The following SYT5 variants were observed in gnomAD, a reference collection of about 807,000 sequenced individuals.
The protein encoded by SYT5 is synaptotagmin-5.
In SYT5, 29 loss-of-function variants were observed where a neutral mutation model predicts 36.0. The observed-to-expected ratio is 0.81, with a 90% CI of 0.60 to 1.10. The LOEUF (loss-of-function observed/expected upper bound fraction) is 1.10. Ranked by LOEUF, SYT5 falls within the 50% of genes least tolerant of loss-of-function variation. The pLI, the probability that SYT5 is intolerant of heterozygous loss-of-function variation, is 0.00. For synonymous variants in SYT5, 231 were observed against 227.6 expected (o/e 1.02, Z -0.14); for missense variants, 512 against 516.0 (o/e 0.99, Z 0.08).
chr19:55,179,374 G>T lies in SYT5; in HGVS notation c.-45-288C>A. ...GAACCGGAAGCGGGCGAAGGCAGAC[G>T]TGGGAACCAGCAGACCGCGTTGCCC... On this transcript the variant is annotated intron_variant, in intron 1 of 8. Transcript: ENST00000354308. This position sits in a 1 kb window ranked among gnomAD's most constrained non-coding sequence, Gnocchi z 4.5. 1 of 717,994 alleles carries T rather than the reference G, an allele frequency of 1.4e-6. No individual in the cohort carries two copies. The highest frequency in any genetic ancestry group is 3.1e-5 in the South Asian group (1 of 31,950). 44.5% of individuals were successfully genotyped at this position (717,994 alleles called of 1,614,324 possible). A position where few individuals can be genotyped will look rare whatever the true frequency, so the allele number is the denominator to read the frequency against.
In SYT5 at chr19:55,173,847, A is replaced by T; in HGVS notation, c.961-163T>A. 3 of 636,064 alleles carry T rather than the reference A, an allele frequency of 4.7e-6. No individual in the cohort carries two copies. The highest frequency in any genetic ancestry group is 7.0e-6 in the Non-Finnish European group (3 of 427,716). The allele number at this position is 636,064 out of a possible 1,614,324, so 39.4% of individuals were successfully genotyped here. On this transcript the variant is annotated intron_variant, in intron 8 of 8. Coordinates refer to ENST00000354308, the MANE Select transcript of SYT5 (RefSeq NM_003180.3). This position sits in a 1 kb window ranked among gnomAD's most constrained non-coding sequence, Gnocchi z 5.4. The stretch of plus-strand genomic sequence containing the variant: ...AGGGGGTGGGAGACGAGAGGGACGG[A>T]GCCTGCGGCGAGGAGGAGGCTCTGG...
intron 7 of SYT5, 64 bp downstream of exon 7, chr19:55,174,818 C>T: frequency 6.9e-6 from 11 of 1,583,072 alleles, no homozygotes; most frequent in Non-Finnish European, 8.7e-6. Context: ...GGCTCAGAAA[C>T]TGTCAGAACG....
Position 55,179,363 on chromosome 19 carries a change from C to T in SYT5, c.-45-277G>A. Reference sequence around the variant, plus strand: ...CCGCAGGGTCTGAACCGGAAGCGGGCGAAGGCAGACGTGGGAACCAGCAGA... The same window carrying T: ...CCGCAGGGTCTGAACCGGAAGCGGGTGAAGGCAGACGTGGGAACCAGCAGA... On this transcript the variant is annotated intron_variant, in intron 1 of 8. Transcript: ENST00000354308. This position sits in a 1 kb window ranked among gnomAD's most constrained non-coding sequence, Gnocchi z 4.5. 2 of 809,792 alleles carry T rather than the reference C, an allele frequency of 2.5e-6. No individual in the cohort carries two copies. Among genetic ancestry groups the T allele is most frequent in the South Asian group, 6.0e-5 (2 of 33,312 alleles). 50.2% of individuals were successfully genotyped at this position (809,792 alleles called of 1,614,324 possible).
chr19:55,173,729 G>A lies in SYT5; in HGVS notation c.961-45C>T. Reference sequence around the variant, plus strand: ...AAGAGGAGAGAGGAGCGTGAGGGGAGGAGGCCCCGGAAGGGGCGGTGTCCG... The same window carrying A: ...AAGAGGAGAGAGGAGCGTGAGGGGAAGAGGCCCCGGAAGGGGCGGTGTCCG... On this transcript the variant is annotated intron_variant, in intron 8 of 8. Coordinates refer to ENST00000354308, the MANE Select transcript of SYT5 (RefSeq NM_003180.3). This position sits in a 1 kb window ranked among gnomAD's most constrained non-coding sequence, Gnocchi z 5.4. 1 of 1,313,462 alleles carries A rather than the reference G, an allele frequency of 7.6e-7. No individual in the cohort carries two copies. Among genetic ancestry groups the A allele is most frequent in the Non-Finnish European group, 9.8e-7 (1 of 1,023,890 alleles). The allele number at this position is 1,313,462 out of a possible 1,614,324, so 81.4% of individuals were successfully genotyped here.
rs147595873 is a variant in SYT5, at chr19:55,174,967, G to A, written c.741C>T (p.Leu247=). The change falls in exon 7 of 9, where the codon CTC becomes CTT. Residue 247 remains leucine, a synonymous_variant. Transcript: ENST00000354308. ...QEKLGDICFS[L]RYVPTAGKLT... ...GCTTCCCGGCCGTGGGGACATAGCG[G>A]AGGGAGAAGCAGATGTCCCCAAGCT... 81 of 1,614,058 alleles carry A rather than the reference G, an allele frequency of 5.0e-5. No homozygotes were observed. The African/African-American group carries it at 9.5e-4, about 19-fold the overall frequency.
At chr19:55,178,515 A>C (rs2086103688) in intron 2 of SYT5, 147 bp from the exon 3 acceptor site, 1 of 1,025,754 alleles carries the variant, frequency 9.7e-7, no homozygotes, top group Admixed American at 2.8e-5. Context: ...TCTTCCACCT[A>C]ATGTGGCCTA....
At position 55,173,595 on chromosome 19, in the gene SYT5, G is replaced by A. The variant is rs374310739; in HGVS notation, c.1050C>T (p.Gly350=). ...IGRVAVGAAA[G]GAGLRHWADM... ...CCGCCCAGTGCCGCAGGCCAGCCCC[G>A]CCGGCGGCCGCCCCCACGGCCACCC... The change falls in exon 9 of 9, where the codon GGC becomes GGT. Residue 350 remains glycine (G), a synonymous_variant. Coordinates refer to ENST00000354308, the MANE Select transcript of SYT5 (RefSeq NM_003180.3). This position sits in a 1 kb window ranked among gnomAD's most constrained non-coding sequence, Gnocchi z 5.4. The A allele has an allele frequency of 4.7e-6, 7 of 1,480,532 alleles. No homozygotes were observed. The highest frequency in any genetic ancestry group is 2.9e-5 in the East Asian group (1 of 34,266). 91.7% of individuals were successfully genotyped at this position (1,480,532 alleles called of 1,614,324 possible).
At chr19:55,174,692 G>C (rs2086050925) in intron 7 of SYT5, 42 bp from the exon 8 acceptor site, 1 of 1,613,184 alleles carries the variant, frequency 6.2e-7, no homozygotes. Flanking sequence ...CCCACTGCTG[G>C]GTTGTTGGAC....
chr19:55,175,047 C>G lies in SYT5; in HGVS notation c.709-48G>C, dbSNP rs1425272280. 6.2e-7 allele frequency: 1 copy of G among 1,604,780 alleles called. No individual in the cohort carries two copies. Among genetic ancestry groups the G allele is most frequent in the African/African-American group, 1.3e-5 (1 of 74,968 alleles). ...CCAGAGCCCCGGCTCCACATCCATG[C>G]CTCCTCAGGGGTACAATCCACGCCG... On this transcript the variant is annotated intron_variant, in intron 6 of 8. Transcript: ENST00000354308. The surrounding 1 kb of genome is among the most constrained non-coding windows in gnomAD (Gnocchi z 4.5).
chr19:55,179,202 T>G lies in SYT5; in HGVS notation c.-45-116A>C. ...GCAGAAACCGGACAGCCACCGCGAGTCATGCTGGGAGTTGTAGTATCAGCC... is the reference window on the plus strand; with the variant it reads ...GCAGAAACCGGACAGCCACCGCGAGGCATGCTGGGAGTTGTAGTATCAGCC... On this transcript the variant is annotated intron_variant, in intron 1 of 8. Coordinates refer to ENST00000354308, the MANE Select transcript of SYT5 (RefSeq NM_003180.3). This position sits in a 1 kb window ranked among gnomAD's most constrained non-coding sequence, Gnocchi z 4.5. The G allele has an allele frequency of 1.3e-6, 2 of 1,529,798 alleles. No homozygotes were observed. The highest frequency in any genetic ancestry group is 1.7e-6 in the Non-Finnish European group (2 of 1,143,656). The allele number at this position is 1,529,798 out of a possible 1,614,324, so 94.8% of individuals were successfully genotyped here.
Position 55,175,727 on chromosome 19 carries a change from C to T in SYT5, c.522G>A (p.Gly174=), listed in dbSNP as rs141979109. 2.6e-4 allele frequency: 417 copies of T among 1,613,800 alleles called. 1 individual carries two copies. In the African/African-American group the frequency reaches 4.6e-3, roughly 18 times the overall value. The change falls in exon 5 of 9, where the codon GGG becomes GGA. Residue 174 remains glycine (G), a synonymous_variant. Transcript: ENST00000354308. This position sits in a 1 kb window ranked among gnomAD's most constrained non-coding sequence, Gnocchi z 4.5. ...VHRQTLNPHF[G]ETFAFKVPYV... The stretch of plus-strand genomic sequence containing the variant: ...AGCTCACCTTGAAGGCGAAGGTCTC[C>T]CCAAAGTGAGGGTTCAGCGTCTGCC...
Position 55,173,741 on chromosome 19 carries a change from AG to A in SYT5, c.961-58del, listed in dbSNP as rs2086032576. On this transcript the variant is annotated intron_variant, in intron 8 of 8. Transcript: ENST00000354308. This position sits in a 1 kb window ranked among gnomAD's most constrained non-coding sequence, Gnocchi z 5.4. ...GAGCGTGAGGGGAGGAGGCCCCGGA[AG>A]GGGCGGTGTCCGTTTTCACGGCTGA... 5 of 1,295,162 alleles carry A rather than the reference AG, an allele frequency of 3.9e-6. No homozygotes were observed. The East Asian group carries it at 1.6e-4, about 41-fold the overall frequency. 80.2% of individuals were successfully genotyped at this position (1,295,162 alleles called of 1,614,324 possible). A position where few individuals can be genotyped will look rare whatever the true frequency, so the allele number is the denominator to read the frequency against.
Position 55,175,159 on chromosome 19 carries a change from C to A in SYT5, c.708+13G>T. 1 of 1,586,690 alleles carries A rather than the reference C, an allele frequency of 6.3e-7. No individual in the cohort carries two copies. The highest frequency in any genetic ancestry group is 8.5e-7 in the Non-Finnish European group (1 of 1,170,144). The stretch of plus-strand genomic sequence containing the variant: ...CTGGGGGCGTGGCTCGGGGCGCGAC[C>A]GCGCATGCTCACCTCCTCCCGCGGA... On this transcript the variant is annotated intron_variant, in intron 6 of 8. Coordinates refer to ENST00000354308, the MANE Select transcript of SYT5 (RefSeq NM_003180.3). The surrounding 1 kb of genome is among the most constrained non-coding windows in gnomAD (Gnocchi z 4.5).
At position 55,176,093 on chromosome 19, in the gene SYT5, G is replaced by T; in HGVS notation, c.284C>A (p.Ala95Glu). 6.2e-7 allele frequency: 1 copy of T among 1,614,144 alleles called. No homozygotes were observed. The highest frequency in any genetic ancestry group is 8.5e-7 in the Non-Finnish European group (1 of 1,180,048). Residue 95 changes from alanine to glutamate, a missense_variant, in exon 4 of 9, where the codon GCA becomes GAA. By Grantham distance (107) the Ala-to-Glu change is moderately radical. Transcript: ENST00000354308. ...CACCTGCTGCCCTGGCCCGGATGGT[G>T]CTGGCTCCAGCTCCTCTACTTCTGG... is the stretch of plus-strand genomic sequence containing the variant. ...VQPEVEELEP[A>E]PSGPGQQVAD... is the part of the protein sequence containing the mutation.
Position 55,175,163 on chromosome 19 carries a change from C to T in SYT5, c.708+9G>A, listed in dbSNP as rs1014526994. 6.3e-7 allele frequency: 1 copy of T among 1,591,440 alleles called. No individual in the cohort carries two copies. The highest frequency in any genetic ancestry group is 8.5e-7 in the Non-Finnish European group (1 of 1,171,990). On this transcript the variant is annotated intron_variant, in intron 6 of 8. Transcript: ENST00000354308. This position sits in a 1 kb window ranked among gnomAD's most constrained non-coding sequence, Gnocchi z 4.5. ...GGGCGTGGCTCGGGGCGCGACCGCG[C>T]ATGCTCACCTCCTCCCGCGGAGCCG...
chr19:55,174,607 C>T lies in SYT5; in HGVS notation c.870G>A (p.Val290=). 1 of 1,614,082 alleles carries T rather than the reference C, an allele frequency of 6.2e-7. No homozygotes were observed. Among genetic ancestry groups the T allele is most frequent in the Non-Finnish European group, 8.5e-7 (1 of 1,179,980 alleles). The part of the protein sequence containing the change: ...KVHLLQGGKK[V]RKKKTTIKKN... ...TCTTGATGGTGGTTTTCTTCTTCCG[C>T]ACCTTTTTGCCGCCCTGCAGCAGGT... The change falls in exon 8 of 9, where the codon GTG becomes GTA. Residue 290 remains valine, a synonymous_variant. Transcript: ENST00000354308.
Position 55,173,936 on chromosome 19 carries a change from G to A in SYT5, c.961-252C>T. Reference sequence around the variant, plus strand: ...AACCCTCAGGACTCGGTTGCGGAGCGGGTGTGTTCGGCGCCTCCTGGGGGA... The same window carrying A: ...AACCCTCAGGACTCGGTTGCGGAGCAGGTGTGTTCGGCGCCTCCTGGGGGA... On this transcript the variant is annotated intron_variant, in intron 8 of 8. Transcript: ENST00000354308. The surrounding 1 kb of genome is among the most constrained non-coding windows in gnomAD (Gnocchi z 5.4). 1 of 402,176 alleles carries A rather than the reference G, an allele frequency of 2.5e-6. No individual in the cohort carries two copies. Among genetic ancestry groups the A allele is most frequent in the Middle Eastern group, 6.4e-4 (1 of 1,554 alleles). 24.9% of individuals were successfully genotyped at this position (402,176 alleles called of 1,614,324 possible).
chr19:55,179,421 T>G lies in SYT5; in HGVS notation c.-45-335A>C. On this transcript the variant is annotated intron_variant, in intron 1 of 8. Coordinates refer to ENST00000354308, the MANE Select transcript of SYT5 (RefSeq NM_003180.3). This position sits in a 1 kb window ranked among gnomAD's most constrained non-coding sequence, Gnocchi z 4.5. ...GCCCAGAGCAACAGCCGGGCTCCTC[T>G]CAAGCGGGGTGAGAGCAAAGCTGGT... 1 of 462,770 alleles carries G rather than the reference T, an allele frequency of 2.2e-6. No individual in the cohort carries two copies. Among genetic ancestry groups the G allele is most frequent in the African/African-American group, 2.0e-5 (1 of 49,500 alleles). The allele number at this position is 462,770 out of a possible 1,614,324, so 28.7% of individuals were successfully genotyped here. A position where few individuals can be genotyped will look rare whatever the true frequency, so the allele number is the denominator to read the frequency against.
chr19:55,178,090 G>T, intron 3 of SYT5, 106 bp downstream of exon 3: 2 of 1,303,138 alleles, frequency 1.5e-6, no homozygotes, highest in South Asian at 1.5e-5. Context: ...AGCCAGTAAG[G>T]TGGGTTCCTA....
Sources: allele counts gnomAD v4.1 joint callset, GRCh38; gene constraint gnomAD v4.1.1; non-coding constraint Gnocchi (gnomAD v3.1); transcripts MANE v1.5; gene names NCBI Gene and HGNC (gene_info 2026-07-23, HGNC 2026-07-21).